Variants in RAI2 observed in about 807,000 individuals in gnomAD.
RAI2 encodes the protein retinoic acid induced 2, also known as retinoic acid-induced protein 2.
In RAI2, 5 loss-of-function variants were observed where a neutral mutation model predicts 15.3. The ratio of observed to expected loss-of-function variants is 0.33; its 90% CI spans 0.17 to 0.69. The LOEUF (loss-of-function observed/expected upper bound fraction) is 0.69, where lower values mean the gene tolerates loss of function less well. Among genes scored for constraint, RAI2 ranks in the 30% least tolerant of loss-of-function variants. RAI2 has a pLI of 0.69. For missense variants in RAI2, 424 were observed against 424.7 expected (o/e 1.00, Z 0.01); for synonymous variants, 191 against 184.0 (o/e 1.04, Z -0.31).
At chrX:17,812,554 G>T in intron 1 of RAI2, among the ~76,000 whole-genome samples, 1 of 112,474 alleles carries the variant, frequency 8.9e-6, no homozygotes, top group Middle Eastern at 4.6e-3. Flanking sequence ...AGAACCTTTT[G>T]TATCTTGAAT....
chrX:17,823,733 C>A (rs1268425368), intron 1 of RAI2, among the ~76,000 whole-genome samples: 1 of 111,805 alleles, frequency 8.9e-6, no homozygotes, highest in African/African-American at 3.3e-5. Context: ...TTTGAACGAC[C>A]CAGATTCCCA....
chrX:17,825,499 G>A (rs1223289811), intron 1 of RAI2, among the ~76,000 whole-genome samples: 3 of 112,530 alleles, frequency 2.7e-5, no homozygotes, highest in Non-Finnish European at 5.6e-5. Context: ...CATTTATAAA[G>A]GGCCTAGATA....
intron 1 of RAI2, among the ~76,000 whole-genome samples, chrX:17,814,546 T>C (rs1245028061): frequency 9.2e-6 from 1 of 108,337 alleles, no homozygotes; most frequent in Non-Finnish European, 1.9e-5. Flanking sequence ...CATGACCAAA[T>C]GTTTCCCCAG....
intron 1 of RAI2, among the ~76,000 whole-genome samples, chrX:17,833,330 T>C (rs1398756235): frequency 9.0e-6 from 1 of 111,279 alleles, no homozygotes; most frequent in Non-Finnish European, 1.9e-5. Context: ...GAGACCAGGC[T>C]GGCCAATGTG....
At chrX:17,839,128 G>C (rs1049614378) in intron 1 of RAI2, among the ~76,000 whole-genome samples, 1 of 112,156 alleles carries the variant, frequency 8.9e-6, no homozygotes, top group African/African-American at 3.2e-5. Flanking sequence ...ACATCTGCCT[G>C]GAGCTGCCTG....
chrX:17,861,019 C>T (rs1224787679), intron 1 of RAI2, 79 bp downstream of exon 1: 1 of 105,785 alleles, frequency 9.5e-6, no homozygotes, highest in East Asian at 3.1e-4. Context: ...GCCCGGCGCG[C>T]CCCCTGCGTC....
At chrX:17,808,344 C>A (rs1206810909) in intron 1 of RAI2, among the ~76,000 whole-genome samples, 1 of 110,381 alleles carries the variant, frequency 9.1e-6, no homozygotes, top group Non-Finnish European at 1.9e-5. Context: ...GATGTGTATG[C>A]ACATTAAAGT....
intron 1 of RAI2, among the ~76,000 whole-genome samples, chrX:17,834,609 C>G (rs2067315309): frequency 9.0e-6 from 1 of 110,798 alleles, no homozygotes. Flanking sequence ...TTCCTGGGGA[C>G]AACCTAAGGA....
intron 1 of RAI2, 66 bp from the exon 2 acceptor site, chrX:17,802,100 T>C: frequency 1.8e-6 from 2 of 1,112,662 alleles, no homozygotes; most frequent in Admixed American, 6.0e-5. Flanking sequence ...TTAAGAGCTC[T>C]CTCACATCTT....
At chrX:17,858,742 T>A (rs1229050434) in intron 1 of RAI2, among the ~76,000 whole-genome samples, 2 of 112,641 alleles carry the variant, frequency 1.8e-5, no homozygotes, top group African/African-American at 6.5e-5. Flanking sequence ...CAAACCGTGT[T>A]CTCACCCCAG....
intron 1 of RAI2, among the ~76,000 whole-genome samples, chrX:17,808,103 T>TA (rs779015642): frequency 8.4e-4 from 94 of 111,996 alleles, no homozygotes; most frequent in African/African-American, 1.9e-3. Flanking sequence ...TTCTTTTTTT[T>TA]ATCTCATCAG....
chrX:17,800,626 G>A lies in RAI2; in HGVS notation c.1385C>T (p.Ser462Phe). Residue 462 changes from serine (S) to phenylalanine (F), a missense_variant, in exon 2 of 2, where the codon TCC becomes TTC. By Grantham distance (155) the Ser-to-Phe change is radical (BLOSUM62 -2). Transcript: ENST00000451717. ...CGKIKGLSGV[S>F]TKNFSFKRED... ...TCTTTTGAAGGAGAAGTTTTTGGTG[G>A]ACACCCCTGAGAGGCCTTTGATCTT... 2 of 1,211,452 alleles carry A rather than the reference G, an allele frequency of 1.7e-6. No homozygotes were observed. Among genetic ancestry groups the A allele is most frequent in the South Asian group, 3.5e-5 (2 of 56,954 alleles).
At chrX:17,802,617 C>T (rs2066928285) in intron 1 of RAI2, among the ~76,000 whole-genome samples, 1 of 111,841 alleles carries the variant, frequency 8.9e-6, no homozygotes, top group Non-Finnish European at 1.9e-5. Flanking sequence ...CCCATTTCTC[C>T]CAGTAACAGC....
intron 1 of RAI2, among the ~76,000 whole-genome samples, chrX:17,841,313 A>T: frequency 8.9e-6 from 1 of 112,074 alleles, no homozygotes; most frequent in East Asian, 2.8e-4. Context: ...ATCTAACTCA[A>T]ACTAAAAGCT....
chrX:17,817,028 T>G (rs972515097), intron 1 of RAI2, among the ~76,000 whole-genome samples: 1 of 111,741 alleles, frequency 8.9e-6, no homozygotes, highest in Non-Finnish European at 1.9e-5. Flanking sequence ...CATGCCTGAA[T>G]CACGGCTTGC....
chrX:17,821,196 TC>T (rs1348865029), intron 1 of RAI2, among the ~76,000 whole-genome samples: 1 of 112,705 alleles, frequency 8.9e-6, no homozygotes, highest in East Asian at 2.8e-4. Flanking sequence ...AAAAATTGTT[TC>T]TTTTTAATAT....
intron 1 of RAI2, among the ~76,000 whole-genome samples, chrX:17,807,889 T>C (rs751211088): frequency 1.8e-5 from 2 of 112,224 alleles, no homozygotes; most frequent in East Asian, 2.8e-4. Flanking sequence ...TCTCAAGATA[T>C]GGGTTTTCCA....
chrX:17,803,201 A>G (rs1328065230), intron 1 of RAI2, among the ~76,000 whole-genome samples: 1 of 111,208 alleles, frequency 9.0e-6, no homozygotes, highest in Non-Finnish European at 1.9e-5. Flanking sequence ...CCAAAGAAAG[A>G]GAGGCGGCCC....
chrX:17,841,433 C>T (rs1013725827), intron 1 of RAI2, among the ~76,000 whole-genome samples: 1 of 112,125 alleles, frequency 8.9e-6, no homozygotes, highest in African/African-American at 3.2e-5. Flanking sequence ...AAGGAAATAT[C>T]ATTTTTTCCC....
Sources: gnomAD v4.1 joint callset for allele counts (sites outside exome capture counted in the v4.1 genomes callset) on GRCh38, gnomAD v4.1.1 for gene constraint, MANE v1.5 for transcripts, NCBI Gene and HGNC (gene_info 2026-07-23, HGNC 2026-07-21) for gene names.